RABGAP1L: variants seen among roughly 807,000 people sequenced by gnomAD.
RABGAP1L encodes rab GTPase-activating protein 1-like.
A neutral mutation model predicts 137.7 loss-of-function variants in RABGAP1L; 63 were observed. The ratio of observed to expected loss-of-function variants is 0.46; its 90% confidence interval spans 0.37 to 0.56. RABGAP1L has a LOEUF of 0.56. Among genes scored for constraint, RABGAP1L ranks in the 20% least tolerant of loss-of-function variants. The pLI, the probability that RABGAP1L is intolerant of heterozygous loss-of-function variation, is 0.00. For missense variants in RABGAP1L, 1,095 were observed against 1,244.0 expected, an observed-to-expected ratio of 0.88 and a Z score of 1.80; for synonymous variants, 431 against 433.7, an observed-to-expected ratio of 0.99 and a Z score of 0.08.
At chr1:174,950,478 G>T (rs1449147395) in intron 19 of RABGAP1L, among the ~76,000 whole-genome samples, 1 of 152,164 alleles carries the variant, frequency 6.6e-6, no homozygotes, top group Non-Finnish European at 1.5e-5. Context: ...TCCTCCTCTT[G>T]ATGGATGCCT....
intron 8 of RABGAP1L, 47 bp from the exon 9 acceptor site, chr1:174,275,786 A>AT (rs769257204): frequency 1.5e-5 from 21 of 1,404,140 alleles, no homozygotes; most frequent in South Asian, 1.3e-4. Flanking sequence ...TAAAGTAGTG[A>AT]TTTTTTTGAT....
chr1:174,612,910 T>C (rs916125494), intron 13 of RABGAP1L, among the ~76,000 whole-genome samples: 21 of 151,858 alleles, frequency 1.4e-4, no homozygotes, highest in African/African-American at 4.8e-4. Flanking sequence ...ATATCCCCTT[T>C]ATCATTTTTT....
Position 174,650,407 on chromosome 1 carries a change from C to T in RABGAP1L, c.1824+12919C>T, listed in dbSNP as rs530482605. 6.9e-4 allele frequency among the ~76,000 whole-genome samples: 105 copies of T among 152,178 alleles called. 1 individual carries two copies. Among genetic ancestry groups the T allele is most frequent in the Admixed American group, 1.9e-3 (29 of 15,282 alleles). On this transcript the variant is annotated intron_variant, in intron 14 of 25. Coordinates refer to ENST00000681986, the MANE Select transcript of RABGAP1L (RefSeq NM_001366446.1). ...TTGATTGGAATAGTTTCAGAAGGAA[C>T]GGTACCAGTTCCTCCTTGTACCTCT... is the stretch of plus-strand genomic sequence containing the variant.
intron 13 of RABGAP1L, among the ~76,000 whole-genome samples, chr1:174,585,962 G>A (rs1426567596): frequency 6.6e-6 from 1 of 152,150 alleles, no homozygotes; most frequent in Admixed American, 6.5e-5. Context: ...GGAAGACAGT[G>A]TGGTGATTCC....
chr1:174,806,271 A>G (rs1300823339), intron 18 of RABGAP1L, among the ~76,000 whole-genome samples: 1 of 152,212 alleles, frequency 6.6e-6, no homozygotes, highest in African/African-American at 2.4e-5. Flanking sequence ...AAACTCAATT[A>G]TGAGCACTAA....
intron 13 of RABGAP1L, 114 bp from the exon 14 acceptor site, chr1:174,637,261 A>T: frequency 1.4e-6 from 1 of 702,390 alleles, no homozygotes; most frequent in South Asian, 2.0e-5. Context: ...GGAAGTTTTT[A>T]TGTTTTTCTG....
chr1:174,499,465 A>G lies in RABGAP1L; in HGVS notation c.1710+105320A>G, dbSNP rs1481820574. Among the ~76,000 whole-genome samples, 5 of 152,186 alleles carry G rather than the reference A, an allele frequency of 3.3e-5. No homozygotes were observed. In the East Asian group the frequency reaches 9.6e-4, roughly 29 times the overall value. On this transcript the variant is annotated intron_variant, in intron 13 of 25. Transcript: ENST00000681986. ...TTTGTTGGATTTCAATTTGATGTTTACAAGTATTGAGGTTATTTTATATAG... is the reference window on the plus strand; with the variant it reads ...TTTGTTGGATTTCAATTTGATGTTTGCAAGTATTGAGGTTATTTTATATAG...
Position 174,518,135 on chromosome 1 carries a change from A to T in RABGAP1L, c.1711-119240A>T, listed in dbSNP as rs868378201. ...ATGAAAACCAGAAAACAATGCCAGG[A>T]CCTGAGATTCTGGTCATCTGAGATT... On this transcript the variant is annotated intron_variant, in intron 13 of 25. Transcript: ENST00000681986. 2.0e-5 allele frequency among the ~76,000 whole-genome samples: 3 copies of T among 152,316 alleles called. No homozygotes were observed. In the Middle Eastern group the frequency reaches 0.01, roughly 518 times the overall value.
chr1:174,635,205 G>A (rs556474737), intron 13 of RABGAP1L, among the ~76,000 whole-genome samples: 1 of 152,050 alleles, frequency 6.6e-6, no homozygotes, highest in Non-Finnish European at 1.5e-5. Flanking sequence ...TGCATAATCA[G>A]TTCCTAGGGA....
chr1:174,896,852 A>G (rs1050407977), intron 19 of RABGAP1L: 2 of 152,242 alleles, frequency 1.3e-5, no homozygotes, highest in East Asian at 1.9e-4. Context: ...GCCTTGTAGT[A>G]TAGTTTGAAG....
chr1:174,640,941 AAATAT>A (rs773310388), intron 14 of RABGAP1L, among the ~76,000 whole-genome samples: 14 of 146,814 alleles, frequency 9.5e-5, no homozygotes, highest in South Asian at 2.1e-4. Context: ...TTTCTATATT[AAATAT>A]AATATAATAT....
intron 11 of RABGAP1L, among the ~76,000 whole-genome samples, chr1:174,357,269 A>G (rs982112407): frequency 7.2e-5 from 11 of 152,192 alleles, no homozygotes; most frequent in African/African-American, 2.7e-4. Flanking sequence ...GTCAAAAGAT[A>G]AAGTGTCCTC....
In RABGAP1L at chr1:174,875,190, A is replaced by G. The variant is rs191604802; in HGVS notation, c.2340+63230A>G. 1.4e-4 allele frequency among the ~76,000 whole-genome samples: 22 copies of G among 152,356 alleles called. No individual in the cohort carries two copies. The East Asian group carries it at 4.0e-3, about 28-fold the overall frequency. ...GAAGTTATTAGTTTCTGTGTATGTAAACTTAAACTATTTTTAAAGCCTTTG... is the reference window on the plus strand; with the variant it reads ...GAAGTTATTAGTTTCTGTGTATGTAGACTTAAACTATTTTTAAAGCCTTTG... On this transcript the variant is annotated intron_variant, in intron 19 of 25. Coordinates refer to ENST00000681986, the MANE Select transcript of RABGAP1L (RefSeq NM_001366446.1).
chr1:174,894,895 T>A (rs950151997), intron 19 of RABGAP1L, among the ~76,000 whole-genome samples: 5 of 152,182 alleles, frequency 3.3e-5, no homozygotes, highest in Non-Finnish European at 5.9e-5. Context: ...TAGCTGAGAT[T>A]ACAGGTGCTC....
chr1:174,764,723 C>T (rs1274482318), intron 18 of RABGAP1L, among the ~76,000 whole-genome samples: 1 of 152,190 alleles, frequency 6.6e-6, no homozygotes. Flanking sequence ...CCTTCTGCCT[C>T]AGCCTCCAAA....
intron 18 of RABGAP1L, among the ~76,000 whole-genome samples, chr1:174,787,318 G>A (rs1057281815): frequency 4.6e-5 from 7 of 151,136 alleles, no homozygotes; most frequent in African/African-American, 1.2e-4. Flanking sequence ...CAGGAGAATC[G>A]CTTGAACCTG....
intron 13 of RABGAP1L, among the ~76,000 whole-genome samples, chr1:174,407,869 C>T (rs1342455988): frequency 6.6e-6 from 1 of 152,084 alleles, no homozygotes; most frequent in Non-Finnish European, 1.5e-5. Flanking sequence ...GAACCATGAT[C>T]ACTTTTTACA....
In RABGAP1L at chr1:174,952,339, CAA is replaced by C. The variant is rs59406597; in HGVS notation, c.2341-5094_2341-5093del. On this transcript the variant is annotated intron_variant, in intron 19 of 25. Transcript: ENST00000681986. ...CAACATAGTGAGACCCTGGCTCTAC[CAA>C]AAAAAAAAAAAAAAAAAAAAAAAGC... Among the ~76,000 whole-genome samples, 5 of 31,714 alleles carry C rather than the reference CAA, an allele frequency of 1.6e-4. No homozygotes were observed. In the East Asian group the frequency reaches 3.3e-3, roughly 21 times the overall value. 20.8% of individuals were successfully genotyped at this position (31,714 alleles called of 152,430 possible). A position where few individuals can be genotyped will look rare whatever the true frequency, so the allele number is the denominator to read the frequency against.
At chr1:174,954,859 C>T (rs1005334991) in intron 19 of RABGAP1L, among the ~76,000 whole-genome samples, 1 of 152,164 alleles carries the variant, frequency 6.6e-6, no homozygotes, top group African/African-American at 2.4e-5. Context: ...GAAGCTTCCC[C>T]TTTTTCTATA....
Sources: gnomAD v4.1 joint callset for allele counts (sites outside exome capture counted in the v4.1 genomes callset) on GRCh38, gnomAD v4.1.1 for gene constraint, MANE v1.5 for transcripts, NCBI Gene and HGNC (gene_info 2026-07-23, HGNC 2026-07-21) for gene names.